Variants in CARMIL1 observed in about 807,000 individuals in gnomAD.
The protein encoded by CARMIL1 is capping protein regulator and myosin 1 linker 1, also known as F-actin-uncapping protein LRRC16A.
In CARMIL1, 90 loss-of-function variants were observed where a neutral mutation model predicts 177.1. That is an observed-to-expected ratio of 0.51 (90% CI 0.43 to 0.61). The LOEUF is 0.61. Ranked by LOEUF, CARMIL1 falls within the 20% of genes least tolerant of loss-of-function variation. The probability of loss-of-function intolerance (pLI) is 0.00; values close to 1 mark genes in which losing one functional copy is unlikely to be tolerated. For synonymous variants in CARMIL1, 577 were observed against 606.2 expected (o/e 0.95, Z 0.71); for missense variants, 1,380 against 1,667.0 (o/e 0.83, Z 3.00).
intron 2 of CARMIL1, among the ~76,000 whole-genome samples, chr6:25,335,393 G>T (rs55896906): frequency 6.6e-6 from 1 of 151,992 alleles, no homozygotes; most frequent in Non-Finnish European, 1.5e-5. Context: ...AAAATGAAAT[G>T]AGGTTTCTAA....
intron 2 of CARMIL1, among the ~76,000 whole-genome samples, chr6:25,401,919 T>TA (rs1381544113): frequency 6.6e-6 from 1 of 151,792 alleles, no homozygotes; most frequent in Non-Finnish European, 1.5e-5. Flanking sequence ...CCACCAACTC[T>TA]ATTAATCAGT....
At chr6:25,294,633 C>T (rs1782252730) in intron 2 of CARMIL1, among the ~76,000 whole-genome samples, 1 of 152,188 alleles carries the variant, frequency 6.6e-6, no homozygotes, top group African/African-American at 2.4e-5. Flanking sequence ...ATTTTTCTCC[C>T]TCCTATCCAT....
intron 35 of CARMIL1, 62 bp from the exon 36 acceptor site, chr6:25,609,988 G>A (rs1016318019): frequency 6.7e-7 from 1 of 1,489,502 alleles, no homozygotes; most frequent in East Asian, 2.4e-5. Context: ...GATTTACCAG[G>A]CTTTATGTTC....
At chr6:25,307,940 A>T (rs990848983) in intron 2 of CARMIL1, among the ~76,000 whole-genome samples, 3 of 152,206 alleles carry the variant, frequency 2.0e-5, no homozygotes, top group African/African-American at 7.2e-5. Flanking sequence ...TTATCTACTT[A>T]TTTATAGCAA....
intron 8 of CARMIL1, among the ~76,000 whole-genome samples, chr6:25,462,262 GC>G (rs1800191916): frequency 6.6e-6 from 1 of 151,964 alleles, no homozygotes; most frequent in Admixed American, 6.5e-5. Flanking sequence ...TTACTCTGTT[GC>G]CTGTTTCTTC....
At chr6:25,386,842 A>G (rs969381788) in intron 2 of CARMIL1, among the ~76,000 whole-genome samples, 1 of 152,056 alleles carries the variant, frequency 6.6e-6, no homozygotes, top group Non-Finnish European at 1.5e-5. Flanking sequence ...ACAAGACATC[A>G]TGAGGCCGGC....
rs550697249 is a variant in CARMIL1, at chr6:25,429,835, A to G, written c.249+3275A>G. On this transcript the variant is annotated intron_variant, in intron 4 of 36. Transcript: ENST00000329474. ...CTGGGATAAGTCTCATTTGGCCATG[A>G]TATATAATTATTATTATATATATAT... Among the ~76,000 whole-genome samples the G allele has an allele frequency of 2.6e-3, 380 of 145,898 alleles. 1 individual carries two copies. The highest frequency in any genetic ancestry group is 4.5e-3 in the Non-Finnish European group (302 of 67,356).
At chr6:25,591,113 G>C (rs1814257333) in intron 31 of CARMIL1, among the ~76,000 whole-genome samples, 1 of 152,138 alleles carries the variant, frequency 6.6e-6, no homozygotes, top group African/African-American at 2.4e-5. Flanking sequence ...GCACCTAATT[G>C]TCCTTACTTC....
chr6:25,389,528 T>G (rs1792535568), intron 2 of CARMIL1, among the ~76,000 whole-genome samples: 1 of 152,204 alleles, frequency 6.6e-6, no homozygotes, highest in Non-Finnish European at 1.5e-5. Context: ...TTGGAAGGTG[T>G]CGATCACTTC....
chr6:25,379,079 G>T (rs1791292146), intron 2 of CARMIL1, among the ~76,000 whole-genome samples: 1 of 151,904 alleles, frequency 6.6e-6, no homozygotes. Context: ...AAATAATGGT[G>T]GTCACACATA....
At chr6:25,392,886 G>A (rs1361911191) in intron 2 of CARMIL1, among the ~76,000 whole-genome samples, 1 of 151,640 alleles carries the variant, frequency 6.6e-6, no homozygotes, top group African/African-American at 2.4e-5. Flanking sequence ...AGGTCTAGTG[G>A]ATGGGAAAAA....
In CARMIL1 at chr6:25,509,681, T is replaced by C. The variant is rs780663790; in HGVS notation, c.1421T>C (p.Leu474Ser). The C allele has an allele frequency of 6.2e-7, 1 of 1,604,148 alleles. No individual in the cohort carries two copies. The highest frequency in any genetic ancestry group is 8.5e-7 in the Non-Finnish European group (1 of 1,174,876). Residue 474 changes from leucine (L) to serine (S), a missense_variant, in exon 18 of 37, where the codon TTA becomes TCA. Leu to Ser is a moderately radical substitution (Grantham distance 145). Coordinates refer to ENST00000329474, the MANE Select transcript of CARMIL1 (RefSeq NM_017640.6). This position sits in a 1 kb window ranked among gnomAD's most constrained non-coding sequence, Gnocchi z 4.1. ...CTGAGATCAGGAGGTGCTCAAGTAT[T>C]AGAAGGTTGCATTGCTGAAATACAC... is the stretch of plus-strand genomic sequence containing the variant. Reference protein sequence around the residue: ...CELRSGGAQVLEGCIAEIHNI... With the variant: ...CELRSGGAQVSEGCIAEIHNI...
At chr6:25,449,481 C>CT (rs1302593653) in intron 5 of CARMIL1, among the ~76,000 whole-genome samples, 1 of 152,146 alleles carries the variant, frequency 6.6e-6, no homozygotes, top group African/African-American at 2.4e-5. Context: ...TCCAGTATGA[C>CT]TTGATCAGTT....
intron 31 of CARMIL1, among the ~76,000 whole-genome samples, chr6:25,593,388 T>C (rs778790947): frequency 2.6e-5 from 4 of 152,224 alleles, no homozygotes; most frequent in Non-Finnish European, 5.9e-5. Context: ...TGCTGCTGCA[T>C]TGGTGGCTCC....
At position 25,490,742 on chromosome 6, in the gene CARMIL1, TA is replaced by T. The variant is rs1803135634; in HGVS notation, c.1066-987del. On this transcript the variant is annotated intron_variant, in intron 13 of 36. Transcript: ENST00000329474. ...ATAAATAAATAAATAAATAAATAAA[TA>T]AATAAATAAAAAAAAATAAATGTCA... is the stretch of plus-strand genomic sequence containing the variant. 3.2e-5 allele frequency among the ~76,000 whole-genome samples: 4 copies of T among 126,834 alleles called. No individual in the cohort carries two copies. The East Asian group carries it at 8.2e-4, about 26-fold the overall frequency. The allele number at this position is 126,834 out of a possible 152,430, so 83.2% of individuals were successfully genotyped here.
At chr6:25,555,902 A>AT (rs1295736511) in intron 28 of CARMIL1, among the ~76,000 whole-genome samples, 5 of 152,114 alleles carry the variant, frequency 3.3e-5, no homozygotes, top group South Asian at 2.1e-4. Context: ...GAAAGTATTG[A>AT]TTTTTTTAAT....
rs1804200597 is a variant in CARMIL1 at position 25,500,468 on chromosome 6, C to T, written c.1395+233C>T. 3.9e-5 allele frequency among the ~76,000 whole-genome samples: 6 copies of T among 152,088 alleles called. No individual in the cohort carries two copies. The South Asian group carries it at 1.2e-3, about 32-fold the overall frequency. ...AATGACTTGGGTTTTGTTGTTGTTCCATTCTTGGTGCCTGCTGGCTGAGTA... is the reference window on the plus strand; with the variant it reads ...AATGACTTGGGTTTTGTTGTTGTTCTATTCTTGGTGCCTGCTGGCTGAGTA... On this transcript the variant is annotated intron_variant, in intron 17 of 36. Transcript: ENST00000329474.
chr6:25,570,244 G>A (rs1042653072), intron 29 of CARMIL1, among the ~76,000 whole-genome samples: 7 of 152,304 alleles, frequency 4.6e-5, no homozygotes, highest in African/African-American at 1.2e-4. Context: ...GATTACAGGC[G>A]TGAGCCACTG....
At chr6:25,401,754 C>T (rs952676391) in intron 2 of CARMIL1, among the ~76,000 whole-genome samples, 7 of 152,128 alleles carry the variant, frequency 4.6e-5, no homozygotes, top group African/African-American at 1.7e-4. Context: ...ATAAATGAAC[C>T]CCATTATACT....
Sources: gnomAD v4.1 joint callset for allele counts (sites outside exome capture counted in the v4.1 genomes callset) on GRCh38, gnomAD v4.1.1 for gene constraint, Gnocchi (gnomAD v3.1) non-coding constraint, MANE v1.5 for transcripts, NCBI Gene and HGNC (gene_info 2026-07-23, HGNC 2026-07-21) for gene names.